Variants in DOCK8 observed in about 807,000 individuals in gnomAD.
DOCK8 encodes dedicator of cytokinesis protein 8.
Under a neutral mutation model 245.6 loss-of-function variants are expected in DOCK8, and 141 were observed. The observed-to-expected ratio is 0.57, with a 90% CI of 0.50 to 0.66. The LOEUF (loss-of-function observed/expected upper bound fraction) is 0.66. DOCK8 is among the 30% of genes least tolerant of loss of function. The pLI is 0.00. For synonymous variants in DOCK8, 1,168 were observed against 970.2 expected (o/e 1.20, Z -3.79); for missense variants, 2,965 against 2,603.4 (o/e 1.14, Z -3.02).
chr9:389,879 G>C lies in DOCK8; in HGVS notation c.2875-592G>C, dbSNP rs549394990. 1.5e-4 allele frequency among the ~76,000 whole-genome samples: 23 copies of C among 152,206 alleles called. 1 individual carries two copies. Among genetic ancestry groups the C allele is most frequent in the African/African-American group, 5.3e-4 (22 of 41,526 alleles). On this transcript the variant is annotated intron_variant, in intron 23 of 47. Coordinates refer to ENST00000432829, the MANE Select transcript of DOCK8 (RefSeq NM_203447.4). ...AAAAAAAAGAAAAAAGAAAAAACTAGCTGGGCTTGGTGGTGCACGCCTTTA... is the reference window on the plus strand; with the variant it reads ...AAAAAAAAGAAAAAAGAAAAAACTACCTGGGCTTGGTGGTGCACGCCTTTA...
chr9:418,247 A>G (rs1274288416), intron 30 of DOCK8, 40 bp downstream of exon 30: 6 of 1,611,952 alleles, frequency 3.7e-6, no homozygotes, highest in East Asian at 2.2e-5. Context: ...TTTTCATTTC[A>G]TGTCTTCTGT....
intron 25 of DOCK8, among the ~76,000 whole-genome samples, chr9:397,793 G>A (rs1319213824): frequency 6.6e-6 from 1 of 152,050 alleles, no homozygotes; most frequent in East Asian, 1.9e-4. Context: ...ATTCTCAAAT[G>A]GTTCAGAAAA....
chr9:379,890 T>C lies in DOCK8; in HGVS notation c.2560T>C (p.Tyr854His), dbSNP rs2053671174. 3.1e-6 allele frequency: 5 copies of C among 1,614,052 alleles called. No homozygotes were observed. The highest frequency in any genetic ancestry group is 3.4e-6 in the Non-Finnish European group (4 of 1,180,028). ...CTGCCTGCTGGCTTCCTACGTGCAC[T>C]ACGTCTTCCGCCTGCCAGAGGTGCA... ...RNCLLASYVH[Y>H]VFRLPEVQRD... is the part of the protein sequence containing the mutation. Residue 854 changes from tyrosine (Y) to histidine (H), a missense_variant, in exon 21 of 48, where the codon TAC becomes CAC. By Grantham distance (83) the Tyr-to-His change is moderately conservative (BLOSUM62 2). Transcript: ENST00000432829.
intron 25 of DOCK8, 28 bp downstream of exon 25, chr9:396,962 A>C: frequency 6.2e-7 from 1 of 1,607,486 alleles, no homozygotes; most frequent in South Asian, 1.1e-5. Context: ...TTTATTTTCT[A>C]AATTGTTTAC....
chr9:283,424 G>A (rs1332973598), intron 2 of DOCK8, among the ~76,000 whole-genome samples: 1 of 152,144 alleles, frequency 6.6e-6, no homozygotes, highest in Non-Finnish European at 1.5e-5. Flanking sequence ...ATAAGTTTAA[G>A]TGGTACAAGT....
At chr9:300,760 T>A (rs2130535721) in intron 4 of DOCK8, among the ~76,000 whole-genome samples, 1 of 152,190 alleles carries the variant, frequency 6.6e-6, no homozygotes, top group South Asian at 2.1e-4. Flanking sequence ...AATGGATAGA[T>A]TCCTGGAAAC....
At chr9:299,133 T>C (rs1298121184) in intron 4 of DOCK8, among the ~76,000 whole-genome samples, 2 of 152,204 alleles carry the variant, frequency 1.3e-5, no homozygotes, top group Non-Finnish European at 2.9e-5. Context: ...GAGTTGGTTT[T>C]TGTCCCCTGA....
chr9:252,799 A>G (rs1211312398), intron 1 of DOCK8, among the ~76,000 whole-genome samples: 1 of 149,844 alleles, frequency 6.7e-6, no homozygotes, highest in Non-Finnish European at 1.5e-5. Context: ...CTCCATCTCA[A>G]AAAAAAAAAA....
intron 2 of DOCK8, among the ~76,000 whole-genome samples, chr9:281,571 C>T (rs1470398110): frequency 1.3e-5 from 2 of 152,104 alleles, no homozygotes; most frequent in African/African-American, 4.8e-5. Flanking sequence ...TGCAATGCCA[C>T]TGTAACTCTC....
chr9:390,532 T>G lies in DOCK8; in HGVS notation c.2936T>G (p.Val979Gly), dbSNP rs764228650. Reference sequence around the variant, plus strand: ...AGCACCGGAATGGTGAGAGAAACAGTCTTCAAGTATGCCTGGTTCTTCTTT... The same window carrying G: ...AGCACCGGAATGGTGAGAGAAACAGGCTTCAAGTATGCCTGGTTCTTCTTT... ...VVSTGMVRET[V>G]FKYAWFFFEL... Residue 979 changes from valine to glycine, a missense_variant, in exon 24 of 48, where the codon GTC (valine) becomes GGC (glycine). Around this residue, in one of 3 missense-constraint regions of DOCK8, gnomAD observed 2,825 missense variants for 2,453.5 expected, o/e 1.15. Coordinates refer to ENST00000432829, the MANE Select transcript of DOCK8 (RefSeq NM_203447.4). The G allele has an allele frequency of 7.4e-6, 12 of 1,614,046 alleles. No homozygotes were observed. Among genetic ancestry groups the G allele is most frequent in the Non-Finnish European group, 9.3e-6 (11 of 1,180,010 alleles).
intron 24 of DOCK8, among the ~76,000 whole-genome samples, chr9:393,488 G>A (rs538111700): frequency 2.0e-5 from 3 of 152,272 alleles, no homozygotes; most frequent in African/African-American, 7.2e-5. Flanking sequence ...TTTACAGATG[G>A]GGTTGGAGGA....
intron 1 of DOCK8, among the ~76,000 whole-genome samples, chr9:248,848 A>G (rs1273512980): frequency 6.6e-6 from 1 of 152,200 alleles, no homozygotes; most frequent in African/African-American, 2.4e-5. Context: ...AAGTAAACCT[A>G]ACTCTGAAAA....
At chr9:252,746 C>T (rs966066399) in intron 1 of DOCK8, among the ~76,000 whole-genome samples, 2 of 149,342 alleles carry the variant, frequency 1.3e-5, no homozygotes, top group Admixed American at 6.7e-5. Context: ...CGCAGTGAGC[C>T]GAGATCACAC....
intron 8 of DOCK8, 25 bp downstream of exon 8, chr9:325,762 C>T (rs763798305): frequency 1.3e-6 from 2 of 1,580,612 alleles, no homozygotes; most frequent in Non-Finnish European, 1.7e-6. Context: ...AAAAATCCAT[C>T]CCTAAGGCAC....
chr9:417,998 T>A, intron 29 of DOCK8, 70 bp from the exon 30 acceptor site: 2 of 1,601,902 alleles, frequency 1.2e-6, no homozygotes, highest in Non-Finnish European at 8.5e-7. Flanking sequence ...AGTATCAGTC[T>A]CTTATTGGGT....
rs760123144 is a variant in DOCK8 at position 312,020 on chromosome 9, T to G, written c.595T>G (p.Phe199Val). 1 of 1,614,078 alleles carries G rather than the reference T, an allele frequency of 6.2e-7. No individual in the cohort carries two copies. ...GAAAGGCCCCGTCACTGCCTGTGAC[T>G]TTGACCTCCGCAGCCTGCAGCCTGA... ...SGKGPVTACD[F>V]DLRSLQPDKR... Residue 199 changes from phenylalanine to valine, a missense_variant, in exon 6 of 48, where the codon TTT becomes GTT. Coordinates refer to ENST00000432829, the MANE Select transcript of DOCK8 (RefSeq NM_203447.4).
intron 14 of DOCK8, among the ~76,000 whole-genome samples, chr9:355,566 C>T (rs775180747): frequency 2.0e-5 from 3 of 152,132 alleles, no homozygotes; most frequent in East Asian, 3.9e-4. Flanking sequence ...AAAAAATAGC[C>T]ACTCCTTGAC....
intron 33 of DOCK8, 55 bp from the exon 34 acceptor site, chr9:426,830 G>A: frequency 7.0e-7 from 1 of 1,436,998 alleles, no homozygotes; most frequent in Non-Finnish European, 9.8e-7. Context: ...TTGCCATCAT[G>A]GGAACCTGGC....
chr9:305,996 A>T (rs984043153), intron 5 of DOCK8, among the ~76,000 whole-genome samples: 6 of 152,188 alleles, frequency 3.9e-5, no homozygotes, highest in African/African-American at 1.4e-4. Flanking sequence ...GAACAGCATT[A>T]TGGAGATGGA....
Sources: allele counts gnomAD v4.1 joint callset (sites outside exome capture counted in the v4.1 genomes callset), GRCh38; gene constraint gnomAD v4.1.1; regional missense constraint gnomAD v4.1.1; transcripts MANE v1.5; gene names NCBI Gene and HGNC (gene_info 2026-07-23, HGNC 2026-07-21).